Variants in ABCC2 observed in about 807,000 individuals in gnomAD.
ABCC2 encodes ATP-binding cassette sub-family C member 2.
ABCC2 carries 157 observed loss-of-function variants against 173.4 expected under a neutral mutation model. The ratio of observed to expected loss-of-function variants is 0.91; its 90% CI spans 0.80 to 1.03. ABCC2 has a LOEUF of 1.03. Among genes scored for constraint, ABCC2 ranks in the 50% least tolerant of loss-of-function variants. ABCC2 has a pLI of 0.00. For missense variants in ABCC2, 1,822 were observed against 1,852.3 expected (o/e 0.98, Z 0.30); for synonymous variants, 657 against 693.5 (o/e 0.95, Z 0.83).
At chr10:99,836,703 T>C (rs1219313677) in intron 25 of ABCC2, among the ~76,000 whole-genome samples, 2 of 152,134 alleles carry the variant, frequency 1.3e-5, no homozygotes, top group African/African-American at 4.8e-5. Context: ...AGATTCTCCA[T>C]AGTCATGACA....
At chr10:99,802,418 A>T (rs1342126511) in intron 9 of ABCC2, among the ~76,000 whole-genome samples, 1 of 152,162 alleles carries the variant, frequency 6.6e-6, no homozygotes, top group Non-Finnish European at 1.5e-5. Context: ...GTCCCCAGAC[A>T]AGGGCTACTG....
chr10:99,824,599 G>A (rs1270916652), intron 19 of ABCC2, among the ~76,000 whole-genome samples: 36 of 148,896 alleles, frequency 2.4e-4, no homozygotes, highest in South Asian at 2.1e-4. Context: ...CTGGTGGCTG[G>A]TTCTTTATTA....
At chr10:99,791,692 G>A (rs1301156110) in intron 2 of ABCC2, among the ~76,000 whole-genome samples, 1 of 152,196 alleles carries the variant, frequency 6.6e-6, no homozygotes, top group Admixed American at 6.5e-5. Context: ...CACATGGCTG[G>A]TGGCAGGAAG....
chr10:99,810,243 C>T lies in ABCC2; in HGVS notation c.1900+25C>T, dbSNP rs371913504. 7.5e-5 allele frequency: 120 copies of T among 1,600,182 alleles called. No homozygotes were observed. In the African/African-American group the frequency reaches 1.5e-3, roughly 20 times the overall value. ...GGTAAATAAATTTGGAAGTTGCTTCCCAAACTTATTCGCAGTACTGGTGCC... is the reference window on the plus strand; with the variant it reads ...GGTAAATAAATTTGGAAGTTGCTTCTCAAACTTATTCGCAGTACTGGTGCC... On this transcript the variant is annotated intron_variant, in intron 14 of 31. Transcript: ENST00000647814.
rs1174994721 is a variant in ABCC2 at position 99,799,089 on chromosome 10, G to A, written c.868-118G>A. The A allele has an allele frequency of 8.2e-6, 9 of 1,097,918 alleles. No homozygotes were observed. In the African/African-American group the frequency reaches 9.4e-5, roughly 11 times the overall value. The allele number at this position is 1,097,918 out of a possible 1,614,324, so 68.0% of individuals were successfully genotyped here. On this transcript the variant is annotated intron_variant, in intron 7 of 31. Transcript: ENST00000647814. ...AGGGCAGAAGCAACTAGGCCAGGGA[G>A]AGATGATCAAAACCTGTACAGAGAA...
In ABCC2 at chr10:99,800,555, T is replaced by C. The variant is rs1366739607; in HGVS notation, c.1201T>C (p.Tyr401His). The change falls in exon 9 of 32, where the codon TAT becomes CAT. Residue 401 changes from tyrosine (Y) to histidine (H), a missense_variant. Transcript: ENST00000647814. ...ACGGACAGCTATCATGGCTTCTGTA[T>C]ATAAGAAGGTAAGCAGAATACGGCA... is the stretch of plus-strand genomic sequence containing the variant. ...KVRTAIMASV[Y>H]KKALTLSNLA... 1.2e-6 allele frequency: 2 copies of C among 1,614,076 alleles called. No homozygotes were observed. The highest frequency in any genetic ancestry group is 1.7e-6 in the Non-Finnish European group (2 of 1,179,998).
rs776201427 is a variant in ABCC2, at chr10:99,800,556, A to G, written c.1202A>G (p.Tyr401Cys). ...CGGACAGCTATCATGGCTTCTGTATATAAGAAGGTAAGCAGAATACGGCAG... is the reference window on the plus strand; with the variant it reads ...CGGACAGCTATCATGGCTTCTGTATGTAAGAAGGTAAGCAGAATACGGCAG... ...KVRTAIMASV[Y>C]KKALTLSNLA... Residue 401 changes from tyrosine to cysteine, a missense_variant, in exon 9 of 32, where the codon TAT (tyrosine) becomes TGT (cysteine). Tyr to Cys is a radical substitution (Grantham distance 194). Transcript: ENST00000647814. 21 of 1,614,034 alleles carry G rather than the reference A, an allele frequency of 1.3e-5. No homozygotes were observed. In the East Asian group the frequency reaches 4.2e-4, roughly 33 times the overall value.
At chr10:99,794,493 G>T in intron 6 of ABCC2, 25 bp downstream of exon 6, 1 of 1,592,058 alleles carries the variant, frequency 6.3e-7, no homozygotes, top group East Asian at 2.2e-5. Flanking sequence ...AGTATGGATT[G>T]GCTGTATCCT....
rs563253652 is a variant in ABCC2 at position 99,845,571 on chromosome 10, T to G, written c.3988-53T>G. Reference sequence around the variant, plus strand: ...ACTGTGAATGCCCAGGCTAAATAACTTTTCCCCAAGAATTATTTGTGGAAC... The same window carrying G: ...ACTGTGAATGCCCAGGCTAAATAACGTTTCCCCAAGAATTATTTGTGGAAC... On this transcript the variant is annotated intron_variant, in intron 28 of 31. Transcript: ENST00000647814. The G allele has an allele frequency of 1.9e-6, 3 of 1,608,524 alleles. No homozygotes were observed. The East Asian group carries it at 6.7e-5, about 36-fold the overall frequency.
At chr10:99,847,279 G>T (rs983961432) in intron 30 of ABCC2, 152 bp downstream of exon 30, 2 of 969,532 alleles carry the variant, frequency 2.1e-6, no homozygotes, top group Non-Finnish European at 3.2e-6. Context: ...AAGTTCACAA[G>T]ATAAAATAGA....
At position 99,814,233 on chromosome 10, in the gene ABCC2, GTA is replaced by G. The variant is rs1350532001; in HGVS notation, c.2094+1095_2094+1096del. On this transcript the variant is annotated intron_variant, in intron 16 of 31. Coordinates refer to ENST00000647814, the MANE Select transcript of ABCC2 (RefSeq NM_000392.5). ...CACATGTGTATATATACACACATGTGTATATATGCACACACGTATGTATACAC... is the reference window on the plus strand; with the variant it reads ...CACATGTGTATATATACACACATGTGTATATGCACACACGTATGTATACAC... Among the ~76,000 whole-genome samples the G allele has an allele frequency of 4.9e-5, 2 of 40,584 alleles. 1 individual carries two copies. The highest frequency in any genetic ancestry group is 2.5e-4 in the African/African-American group (2 of 8,022). 26.6% of individuals were successfully genotyped at this position (40,584 alleles called of 152,430 possible).
At position 99,817,226 on chromosome 10, in the gene ABCC2, T is replaced by C. The variant is rs1277239065; in HGVS notation, c.2095-82T>C. On this transcript the variant is annotated intron_variant, in intron 16 of 31. Transcript: ENST00000647814. Reference sequence around the variant, plus strand: ...TTTAAATTTAAGCTCCATTTGTTTCTTCCCCTCTCCAGCCACCCCGTCCTT... The same window carrying C: ...TTTAAATTTAAGCTCCATTTGTTTCCTCCCCTCTCCAGCCACCCCGTCCTT... 11 of 1,322,990 alleles carry C rather than the reference T, an allele frequency of 8.3e-6. No individual in the cohort carries two copies. In the Admixed American group the frequency reaches 1.9e-4, roughly 23 times the overall value. 82.0% of individuals were successfully genotyped at this position (1,322,990 alleles called of 1,614,324 possible).
Position 99,836,240 on chromosome 10 carries a change from G to T in ABCC2, c.3564G>T (p.Val1188=), listed in dbSNP as rs779532259. The change falls in exon 25 of 32, where the codon GTG becomes GTT. Residue 1188 remains valine (V), a synonymous_variant. Transcript: ENST00000647814. ...HQQRFLKHNE[V]RIDTNQKCVF... is the part of the protein sequence containing the mutation. ...AGCGATTTCTGAAACACAATGAGGT[G>T]AGGATTGACACCAACCAGAAATGTG... 1 of 1,614,192 alleles carries T rather than the reference G, an allele frequency of 6.2e-7. No homozygotes were observed. The highest frequency in any genetic ancestry group is 1.7e-5 in the Admixed American group (1 of 60,024).
intron 4 of ABCC2, 56 bp from the exon 5 acceptor site, chr10:99,793,836 T>C (rs1293757058): frequency 2.5e-6 from 4 of 1,575,662 alleles, no homozygotes; most frequent in Non-Finnish European, 3.5e-6. Context: ...ATACGGGCCA[T>C]GTAGACTTCC....
At chr10:99,807,118 T>C (rs539481366) in intron 11 of ABCC2, among the ~76,000 whole-genome samples, 1 of 152,374 alleles carries the variant, frequency 6.6e-6, no homozygotes, top group African/African-American at 2.4e-5. Context: ...CTGGAAGGCC[T>C]GTGTCCTAGG....
At position 99,842,075 on chromosome 10, in the gene ABCC2, T is replaced by C; in HGVS notation, c.3723T>C (p.Val1241=). The stretch of plus-strand genomic sequence containing the variant: ...TAAGTGGGGACACTGTTGGCTTTGT[T>C]CTGTCCAATGCACTCAATGTGAGTT... The part of the protein sequence containing the change: ...DTLSGDTVGF[V]LSNALNITQT... Residue 1241 remains valine (V), a synonymous_variant, in exon 26 of 32, where the codon GTT becomes GTC. Transcript: ENST00000647814. The C allele has an allele frequency of 6.2e-7, 1 of 1,614,220 alleles. No individual in the cohort carries two copies. The highest frequency in any genetic ancestry group is 8.5e-7 in the Non-Finnish European group (1 of 1,180,040).
intron 30 of ABCC2, among the ~76,000 whole-genome samples, chr10:99,848,148 C>T (rs574479762): frequency 7.2e-4 from 110 of 152,184 alleles, no homozygotes; most frequent in African/African-American, 2.5e-3. Context: ...TTAAGGGCAT[C>T]GCAGTTAAAG....
chr10:99,802,396 T>C (rs1230302721), intron 9 of ABCC2, among the ~76,000 whole-genome samples: 1 of 152,046 alleles, frequency 6.6e-6, no homozygotes, highest in African/African-American at 2.4e-5. Flanking sequence ...TGCAAACACA[T>C]AGCCAGGAGT....
chr10:99,830,633 T>C (rs974591259), intron 20 of ABCC2, 83 bp from the exon 21 acceptor site: 2 of 1,606,074 alleles, frequency 1.2e-6, no homozygotes, highest in Non-Finnish European at 8.5e-7. Flanking sequence ...TGCGCTTTGA[T>C]GCCAGCTGAG....
Sources: gnomAD v4.1 joint callset for allele counts (sites outside exome capture counted in the v4.1 genomes callset) on GRCh38, gnomAD v4.1.1 for gene constraint, MANE v1.5 for transcripts, NCBI Gene and HGNC (gene_info 2026-07-23, HGNC 2026-07-21) for gene names.